The following CSMD2 variants were observed in gnomAD, a reference collection of about 807,000 sequenced individuals.
The protein encoded by CSMD2 is CUB and Sushi multiple domains 2.
CSMD2 carries 130 observed loss-of-function variants against 398.5 expected under a neutral mutation model. The ratio of observed to expected loss-of-function variants is 0.33; its 90% CI spans 0.28 to 0.38. CSMD2 has a LOEUF of 0.38. CSMD2 is among the 10% of genes least tolerant of loss of function. CSMD2 has a pLI of 1.00. For synonymous variants in CSMD2, 1,828 were observed against 1,908.5 expected (o/e 0.96, Z 1.10); for missense variants, 3,829 against 4,764.9 (o/e 0.80, Z 5.78).
chr1:34,135,242 T>TCACACACACACACACACACACACACA (rs66898227), intron 1 of CSMD2, among the ~76,000 whole-genome samples: 1 of 135,490 alleles, frequency 7.4e-6, no homozygotes, highest in East Asian at 2.0e-4. Flanking sequence ...CATGTTGAAA[T>TCACACACACACACACACACACACACA]CACACACACA....
intron 3 of CSMD2, among the ~76,000 whole-genome samples, chr1:33,990,247 G>T (rs1377370879): frequency 6.6e-6 from 1 of 152,104 alleles, no homozygotes; most frequent in Non-Finnish European, 1.5e-5. Flanking sequence ...ACTCCAGCCT[G>T]GACGACAAGA....
At chr1:33,536,348 C>T (rs1050148132) in intron 62 of CSMD2, among the ~76,000 whole-genome samples, 13 of 152,154 alleles carry the variant, frequency 8.5e-5, no homozygotes, top group South Asian at 2.1e-4. Flanking sequence ...CTCAGCCTCC[C>T]GAGTAGCTGG....
At position 33,525,053 on chromosome 1, in the gene CSMD2, T is replaced by C. The variant is rs966936325; in HGVS notation, c.10235-10A>G. 1.2e-6 allele frequency: 2 copies of C among 1,613,978 alleles called. No individual in the cohort carries two copies. Among genetic ancestry groups the C allele is most frequent in the African/African-American group, 2.7e-5 (2 of 75,052 alleles). On this transcript the variant is annotated splice_polypyrimidine_tract_variant and intron_variant, in intron 65 of 70. Coordinates refer to ENST00000373381, the MANE Select transcript of CSMD2 (RefSeq NM_001281956.2). ...AAAACATCCCCAGGAACTAGAGGAA[T>C]TGAGAAATAGATGTGAGAGGGACTT...
intron 26 of CSMD2, among the ~76,000 whole-genome samples, chr1:33,661,766 GAA>G (rs1644142784): frequency 6.6e-6 from 1 of 152,140 alleles, no homozygotes; most frequent in African/African-American, 2.4e-5. Context: ...AGACGTAGCA[GAA>G]AAGAGCTAGA....
intron 10 of CSMD2, among the ~76,000 whole-genome samples, chr1:33,805,588 C>T (rs1290638906): frequency 6.6e-6 from 1 of 152,018 alleles, no homozygotes; most frequent in East Asian, 1.9e-4. Flanking sequence ...CATGTTGAAT[C>T]CCCAATGTGA....
At chr1:33,610,701 T>C (rs900297361) in intron 41 of CSMD2, among the ~76,000 whole-genome samples, 1 of 152,124 alleles carries the variant, frequency 6.6e-6, no homozygotes, top group Admixed American at 6.5e-5. Flanking sequence ...GGGGAAGTAA[T>C]TCAGTTTATC....
rs199945834 is a variant in CSMD2, at chr1:33,959,549, A to AGTCCCGT, written c.518-23602_518-23596dup. On this transcript the variant is annotated intron_variant, in intron 3 of 70. Coordinates refer to ENST00000373381, the MANE Select transcript of CSMD2 (RefSeq NM_001281956.2). ...GGACATATCCAGGTTTAGTACTGAA[A>AGTCCCGT]GTCCCGTGTCCCGGAAAATCCTCTG... Among the ~76,000 whole-genome samples, 1,172 of 152,208 alleles carry AGTCCCGT rather than the reference A, an allele frequency of 7.7e-3. 13 individuals carry two copies. Among genetic ancestry groups the AGTCCCGT allele is most frequent in the African/African-American group, 0.026 (1,098 of 41,522 alleles).
intron 5 of CSMD2, among the ~76,000 whole-genome samples, chr1:33,848,915 A>T (rs1258964724): frequency 6.6e-6 from 1 of 152,020 alleles, no homozygotes; most frequent in African/African-American, 2.4e-5. Flanking sequence ...TACCTGAATA[A>T]TTCAGGACCA....
chr1:33,682,841 C>G (rs765636376), intron 25 of CSMD2, among the ~76,000 whole-genome samples: 2 of 152,156 alleles, frequency 1.3e-5, no homozygotes, highest in African/African-American at 4.8e-5. Flanking sequence ...CCCCTTGGAA[C>G]GATTTCATTT....
At chr1:33,832,364 A>C (rs1659684562) in intron 6 of CSMD2, among the ~76,000 whole-genome samples, 1 of 150,414 alleles carries the variant, frequency 6.6e-6, no homozygotes, top group Admixed American at 6.6e-5. Context: ...AAACGGACTC[A>C]AAACCGCTCA....
intron 37 of CSMD2, among the ~76,000 whole-genome samples, chr1:33,620,502 G>A (rs1641700188): frequency 6.6e-6 from 1 of 152,116 alleles, no homozygotes; most frequent in South Asian, 2.1e-4. Flanking sequence ...ATTGAGAAGA[G>A]GTGGATTTTT....
chr1:33,920,643 G>A (rs545699121), intron 4 of CSMD2, among the ~76,000 whole-genome samples: 3 of 152,038 alleles, frequency 2.0e-5, no homozygotes, highest in Admixed American at 6.6e-5. Context: ...CTGAGAGGCC[G>A]CTGTAAGGAT....
intron 6 of CSMD2, among the ~76,000 whole-genome samples, chr1:33,837,381 T>C (rs984141479): frequency 2.1e-5 from 3 of 143,420 alleles, no homozygotes; most frequent in African/African-American, 8.0e-5. Flanking sequence ...TTCATGTTGT[T>C]TGTACATGGA....
chr1:33,998,352 AT>A (rs1398361050), intron 3 of CSMD2, among the ~76,000 whole-genome samples: 1 of 152,148 alleles, frequency 6.6e-6, no homozygotes. Context: ...CTCAGCCTCC[AT>A]TCCTTTTTAA....
intron 44 of CSMD2, among the ~76,000 whole-genome samples, chr1:33,596,579 G>C (rs1022655150): frequency 1.2e-4 from 18 of 152,176 alleles, no homozygotes; most frequent in Non-Finnish European, 7.3e-5. Context: ...ACAATCATGG[G>C]AGAAGGGGAA....
At chr1:33,626,182 G>T (rs1336190583) in intron 33 of CSMD2, among the ~76,000 whole-genome samples, 1 of 152,198 alleles carries the variant, frequency 6.6e-6, no homozygotes, top group East Asian at 1.9e-4. Context: ...TGCCTGGGCT[G>T]GTCTCTTCAG....
At chr1:33,901,282 T>C (rs1472784428) in intron 5 of CSMD2, among the ~76,000 whole-genome samples, 1 of 152,216 alleles carries the variant, frequency 6.6e-6, no homozygotes, top group African/African-American at 2.4e-5. Context: ...CCATATGCTT[T>C]TCCCTTTGAT....
intron 2 of CSMD2, among the ~76,000 whole-genome samples, chr1:34,053,913 T>C (rs1653515838): frequency 6.6e-6 from 1 of 152,178 alleles, no homozygotes; most frequent in Non-Finnish European, 1.5e-5. Context: ...GGAATAGGGC[T>C]CTAGCAGCCT....
intron 4 of CSMD2, among the ~76,000 whole-genome samples, chr1:33,918,732 C>G (rs777995590): frequency 1.2e-4 from 19 of 152,144 alleles, no homozygotes; most frequent in Non-Finnish European, 2.4e-4. Context: ...GATTTGGAGA[C>G]AGGGGAGTGC....
Sources: allele counts gnomAD v4.1 joint callset (sites outside exome capture counted in the v4.1 genomes callset), GRCh38; gene constraint gnomAD v4.1.1; transcripts MANE v1.5; gene names NCBI Gene and HGNC (gene_info 2026-07-23, HGNC 2026-07-21).